Variants in SP4 observed in about 807,000 individuals in gnomAD.
SP4 encodes the protein Sp4 transcription factor.
SP4 carries 19 observed loss-of-function variants against 72.8 expected under a neutral mutation model. That is an observed-to-expected ratio of 0.26 (90% CI 0.18 to 0.38). The LOEUF is 0.38. Ranked by LOEUF, SP4 falls within the 10% of genes least tolerant of loss-of-function variation. The probability of loss-of-function intolerance (pLI) is 1.00; values close to 1 mark genes in which losing one functional copy is unlikely to be tolerated. For synonymous variants in SP4, 395 were observed against 333.1 expected, an observed-to-expected ratio of 1.19 and a Z score of -2.02; for missense variants, 1,008 against 926.3, an observed-to-expected ratio of 1.09 and a Z score of -1.14.
chr7:21,495,038 A>G (rs1785073593), intron 5 of SP4, among the ~76,000 whole-genome samples: 1 of 152,164 alleles, frequency 6.6e-6, no homozygotes, highest in African/African-American at 2.4e-5. Context: ...AGCCATATGC[A>G]AAACCTTTAA....
intron 3 of SP4, among the ~76,000 whole-genome samples, chr7:21,454,355 C>CTTTTTTT (rs3060615): frequency 4.0e-5 from 6 of 148,412 alleles, no homozygotes; most frequent in East Asian, 2.0e-4. Context: ...CTTTTACTAA[C>CTTTTTTT]TTTTTTTTTT....
chr7:21,449,206 A>G (rs982462779), intron 3 of SP4, among the ~76,000 whole-genome samples: 27 of 152,292 alleles, frequency 1.8e-4, no homozygotes, highest in African/African-American at 3.4e-4. Context: ...AAGCCTGTTT[A>G]CCCTGCTTTG....
chr7:21,488,307 T>C (rs1018976464), intron 5 of SP4, among the ~76,000 whole-genome samples: 3 of 152,146 alleles, frequency 2.0e-5, no homozygotes, highest in African/African-American at 7.2e-5. Context: ...GCCCCAATTT[T>C]TTGATAGTAG....
At chr7:21,471,589 C>T (rs1342628322) in intron 3 of SP4, among the ~76,000 whole-genome samples, 1 of 152,100 alleles carries the variant, frequency 6.6e-6, no homozygotes, top group Non-Finnish European at 1.5e-5. Context: ...GTCCCAGCTA[C>T]TTGGGAGGCT....
chr7:21,451,078 G>A (rs1218568572), intron 3 of SP4, among the ~76,000 whole-genome samples: 2 of 152,178 alleles, frequency 1.3e-5, no homozygotes, highest in East Asian at 3.8e-4. Context: ...ATGTGCAGTG[G>A]CCTGCCAGCA....
chr7:21,455,530 G>A (rs190906905), intron 3 of SP4, among the ~76,000 whole-genome samples: 23 of 152,194 alleles, frequency 1.5e-4, no homozygotes, highest in African/African-American at 3.6e-4. Flanking sequence ...TCCCCCATTC[G>A]TCCTTAGGGT....
intron 3 of SP4, among the ~76,000 whole-genome samples, chr7:21,475,336 C>T: frequency 6.6e-6 from 1 of 151,786 alleles, no homozygotes; most frequent in Admixed American, 6.6e-5. Context: ...GGATGGTCTC[C>T]ATCTCCTGAC....
rs569293998 is a variant in SP4, at chr7:21,495,370, A to C, written c.2107+13247A>C. Among the ~76,000 whole-genome samples, 5 of 152,220 alleles carry C rather than the reference A, an allele frequency of 3.3e-5. No homozygotes were observed. In the South Asian group the frequency reaches 1.0e-3, roughly 32 times the overall value. On this transcript the variant is annotated intron_variant, in intron 5 of 5. Coordinates refer to ENST00000222584, the MANE Select transcript of SP4 (RefSeq NM_003112.5). ...CTGACAAAGTGCTTTTATGCTGAAC[A>C]CCTTAAGAAGTTTTAAACTCAGTGT...
intron 3 of SP4, among the ~76,000 whole-genome samples, chr7:21,457,241 T>G (rs1246420162): frequency 6.6e-6 from 1 of 152,242 alleles, no homozygotes; most frequent in African/African-American, 2.4e-5. Flanking sequence ...GATTTCCTTT[T>G]TCTTGCCAAC....
intron 3 of SP4, among the ~76,000 whole-genome samples, chr7:21,455,767 T>A (rs1160338417): frequency 1.3e-5 from 2 of 152,224 alleles, no homozygotes; most frequent in Non-Finnish European, 2.9e-5. Flanking sequence ...TATGGGTCTC[T>A]TTTGTCTGCA....
intron 3 of SP4, among the ~76,000 whole-genome samples, chr7:21,468,360 C>T (rs1784231427): frequency 6.6e-6 from 1 of 152,064 alleles, no homozygotes; most frequent in Non-Finnish European, 1.5e-5. Context: ...GAAGAATTGA[C>T]ACATTTAGTT....
rs1783423368 is a variant in SP4, at chr7:21,446,261, T to G, written c.1678+15418T>G. On this transcript the variant is annotated intron_variant, in intron 3 of 5. Transcript: ENST00000222584. ...CCTCTTCATACTCCTATCCTTACCC[T>G]AAGCCACAAAGAAAACGTGATTGTT... is the stretch of plus-strand genomic sequence containing the variant. Among the ~76,000 whole-genome samples, 5 of 152,182 alleles carry G rather than the reference T, an allele frequency of 3.3e-5. No individual in the cohort carries two copies. In the South Asian group the frequency reaches 8.3e-4, roughly 25 times the overall value.
intron 5 of SP4, among the ~76,000 whole-genome samples, chr7:21,486,241 T>G (rs1784809333): frequency 6.6e-6 from 1 of 151,982 alleles, no homozygotes. Flanking sequence ...TTGAAATAAT[T>G]TTATACTTAG....
At position 21,428,203 on chromosome 7, in the gene SP4, C is replaced by A; in HGVS notation, c.-49C>A. Reference sequence around the variant, plus strand: ...CTCCCGCCTCGCCCCCACCCCCACCCACCTCTATCCCAGTGTCTCCGTCTG... The same window carrying A: ...CTCCCGCCTCGCCCCCACCCCCACCAACCTCTATCCCAGTGTCTCCGTCTG... On this transcript the variant is annotated 5_prime_UTR_variant, in exon 1 of 6. Transcript: ENST00000222584. The A allele has an allele frequency of 8.2e-7, 1 of 1,216,720 alleles. No homozygotes were observed. 75.4% of individuals were successfully genotyped at this position (1,216,720 alleles called of 1,614,324 possible).
intron 4 of SP4, among the ~76,000 whole-genome samples, chr7:21,480,411 G>A (rs1056858611): frequency 6.6e-6 from 1 of 152,118 alleles, no homozygotes; most frequent in African/African-American, 2.4e-5. Context: ...GCTTGTTGTA[G>A]GTGTATTCTG....
chr7:21,455,945 C>G (rs1250300974), intron 3 of SP4, among the ~76,000 whole-genome samples: 3 of 152,162 alleles, frequency 2.0e-5, no homozygotes, highest in Non-Finnish European at 4.4e-5. Flanking sequence ...GCTGGACTTC[C>G]CTCCCTTCAA....
chr7:21,472,781 A>G (rs566270357), intron 3 of SP4, among the ~76,000 whole-genome samples: 446 of 151,922 alleles, frequency 2.9e-3, no homozygotes, highest in African/African-American at 0.01. Context: ...TCTTAAAAAA[A>G]AAGAAAAAAA....
chr7:21,431,663 C>G (rs1003604259), intron 3 of SP4, among the ~76,000 whole-genome samples: 3 of 152,128 alleles, frequency 2.0e-5, no homozygotes, highest in African/African-American at 7.2e-5. Flanking sequence ...TTCTGAAGTA[C>G]TTGGGAAGTA....
In SP4 at chr7:21,429,556, A is replaced by G; in HGVS notation, c.391A>G (p.Asn131Asp). 1.9e-6 allele frequency: 3 copies of G among 1,614,178 alleles called. No homozygotes were observed. The highest frequency in any genetic ancestry group is 2.5e-6 in the Non-Finnish European group (3 of 1,179,990). Residue 131 changes from asparagine (N) to aspartate (D), a missense_variant, in exon 3 of 6, where the codon AAT (asparagine) becomes GAT (aspartate). Transcript: ENST00000222584. ...TAGTTCGTCTAGTTCTTCCAGCAGT[A>G]ATAACGGGAGTGCATCTCCTACAAA... ...ASSSSSSSSS[N>D]NGSASPTKTK...
Sources: gnomAD v4.1 joint callset for allele counts (sites outside exome capture counted in the v4.1 genomes callset) on GRCh38, gnomAD v4.1.1 for gene constraint, MANE v1.5 for transcripts, NCBI Gene and HGNC (gene_info 2026-07-23, HGNC 2026-07-21) for gene names.